The following CNOT2 variants were observed in gnomAD, a reference collection of about 807,000 sequenced individuals.
The protein encoded by CNOT2 is CC chemokine receptor 4-negative regulator of transcription 2.
CNOT2 carries 7 observed loss-of-function variants against 72.1 expected under a neutral mutation model. The observed-to-expected ratio is 0.10, with a 90% CI of 0.06 to 0.18. The LOEUF is 0.18. CNOT2 is among the 10% of genes least tolerant of loss of function. The pLI, the probability that CNOT2 is intolerant of heterozygous loss-of-function variation, is 1.00. For missense variants in CNOT2, 345 were observed against 660.3 expected, an observed-to-expected ratio of 0.52 and a Z score of 5.23; for synonymous variants, 196 against 225.6, an observed-to-expected ratio of 0.87 and a Z score of 1.17.
intron 2 of CNOT2, among the ~76,000 whole-genome samples, chr12:70,283,214 G>A (rs1870181035): frequency 6.6e-6 from 1 of 152,088 alleles, no homozygotes; most frequent in Admixed American, 6.5e-5. Flanking sequence ...TCATAGTTGT[G>A]ACAAACAGTA....
chr12:70,333,092 C>G lies in CNOT2; in HGVS notation c.649+246C>G, dbSNP rs552132625. 1.1e-4 allele frequency among the ~76,000 whole-genome samples: 17 copies of G among 151,740 alleles called. No homozygotes were observed. In the South Asian group the frequency reaches 2.7e-3, roughly 24 times the overall value. The stretch of plus-strand genomic sequence containing the variant: ...AACATCAGGATTATTTCCTTAACAC[C>G]TGGAGAGAGCCTACACATTAACTTA... On this transcript the variant is annotated intron_variant, in intron 7 of 15. Coordinates refer to ENST00000229195, the MANE Select transcript of CNOT2 (RefSeq NM_014515.7).
At chr12:70,339,704 C>G (rs2136059110) in intron 11 of CNOT2, among the ~76,000 whole-genome samples, 1 of 152,266 alleles carries the variant, frequency 6.6e-6, no homozygotes. Flanking sequence ...CTCTTTTGCT[C>G]TCTTATGCAA....
At chr12:70,332,613 A>G in intron 6 of CNOT2, 154 bp from the exon 7 acceptor site, 3 of 1,117,606 alleles carry the variant, frequency 2.7e-6, no homozygotes, top group Non-Finnish European at 3.4e-6. Context: ...GTTTTCAAGT[A>G]AAGATAAAGA....
chr12:70,283,381 G>GCC (rs1013995911), intron 2 of CNOT2, among the ~76,000 whole-genome samples: 7 of 152,076 alleles, frequency 4.6e-5, no homozygotes, highest in African/African-American at 1.7e-4. Flanking sequence ...ATTAGCTTGA[G>GCC]CCCCAGAGTT....
chr12:70,327,831 A>G (rs1289838240), intron 4 of CNOT2: 1 of 150,632 alleles, frequency 6.6e-6, no homozygotes, highest in Non-Finnish European at 1.5e-5. Context: ...AAGTATGTTG[A>G]TGGTTTGTTA....
intron 2 of CNOT2, among the ~76,000 whole-genome samples, chr12:70,301,197 T>C (rs1040479398): frequency 2.0e-5 from 3 of 152,184 alleles, no homozygotes; most frequent in Admixed American, 1.3e-4. Flanking sequence ...CTTTTCCTAA[T>C]TGAATGCCCT....
chr12:70,288,686 T>TATTGTTGATTGGC (rs1370574277), intron 2 of CNOT2, among the ~76,000 whole-genome samples: 2 of 152,180 alleles, frequency 1.3e-5, no homozygotes, highest in African/African-American at 4.8e-5. Flanking sequence ...ATGTAGTAAG[T>TATTGTTGATTGGC]ATTGTTGATT....
chr12:70,283,732 A>G (rs1870332599), intron 2 of CNOT2, among the ~76,000 whole-genome samples: 1 of 151,712 alleles, frequency 6.6e-6, no homozygotes, highest in Admixed American at 6.6e-5. Flanking sequence ...AAGCCTTGCA[A>G]CCAGATGGCT....
chr12:70,343,004 T>C (rs1477958696), intron 13 of CNOT2, among the ~76,000 whole-genome samples: 1 of 152,112 alleles, frequency 6.6e-6, no homozygotes, highest in Admixed American at 6.6e-5. Flanking sequence ...CAAGTGGATG[T>C]TGATGTGGAC....
rs1364913790 is a variant in CNOT2, at chr12:70,274,807, T to C, written c.-95-3325T>C. 2.0e-5 allele frequency among the ~76,000 whole-genome samples: 3 copies of C among 152,194 alleles called. No homozygotes were observed. The East Asian group carries it at 5.8e-4, about 29-fold the overall frequency. On this transcript the variant is annotated intron_variant, in intron 1 of 15. Transcript: ENST00000229195. The stretch of plus-strand genomic sequence containing the variant: ...GGCCTTTGGGGTCTGGTTTGTTTCC[T>C]GTAATGTAGCAAAAATGCACTTAAG...
intron 2 of CNOT2, among the ~76,000 whole-genome samples, chr12:70,293,708 G>C (rs549562035): frequency 3.2e-4 from 48 of 152,118 alleles, no homozygotes; most frequent in Non-Finnish European, 5.4e-4. Context: ...CATCCATATA[G>C]TACAACTTTA....
intron 2 of CNOT2, among the ~76,000 whole-genome samples, chr12:70,305,495 G>C (rs934026540): frequency 1.7e-4 from 26 of 152,140 alleles, no homozygotes; most frequent in Admixed American, 1.7e-3. Flanking sequence ...GAGATGAAAA[G>C]ATATTGATGA....
chr12:70,321,321 A>G (rs1878261677), intron 4 of CNOT2, among the ~76,000 whole-genome samples: 1 of 151,848 alleles, frequency 6.6e-6, no homozygotes, highest in South Asian at 2.1e-4. Flanking sequence ...GAAAGAGTCT[A>G]GGTTGCCAAT....
In CNOT2 at chr12:70,278,231, T is replaced by C. The variant is rs758508570; in HGVS notation, c.5T>C (p.Val2Ala). 2 of 1,611,552 alleles carry C rather than the reference T, an allele frequency of 1.2e-6. No homozygotes were observed. The highest frequency in any genetic ancestry group is 1.7e-6 in the Non-Finnish European group (2 of 1,177,758). M[V>A]RTDGHTLSEK... ...GTGAGGAAAGGACACGACTCTATGG[T>C]GAGGACTGATGGACATACATTATCT... Residue 2 changes from valine (V) to alanine (A), a missense_variant, in exon 2 of 16, where the codon GTG becomes GCG. Coordinates refer to ENST00000229195, the MANE Select transcript of CNOT2 (RefSeq NM_014515.7).
At chr12:70,246,595 T>C (rs1344207723) in intron 1 of CNOT2, among the ~76,000 whole-genome samples, 5 of 152,204 alleles carry the variant, frequency 3.3e-5, no homozygotes, top group African/African-American at 1.2e-4. Context: ...TTTCTACCTG[T>C]GATACTTAAA....
intron 3 of CNOT2, among the ~76,000 whole-genome samples, chr12:70,314,068 G>T (rs148592687): frequency 7.9e-5 from 12 of 152,126 alleles, no homozygotes; most frequent in Non-Finnish European, 1.6e-4. Context: ...CAATATAGAT[G>T]GTTTTTCGGA....
At chr12:70,336,824 A>G (rs1880770583) in intron 8 of CNOT2, 1 of 152,250 alleles carries the variant, frequency 6.6e-6, no homozygotes, top group Admixed American at 6.6e-5. Context: ...CCCAAACTGG[A>G]TATTGTTCTC....
At position 70,278,134 on chromosome 12, in the gene CNOT2, G is replaced by A; in HGVS notation, c.-93G>A. 3 of 834,788 alleles carry A rather than the reference G, an allele frequency of 3.6e-6. No individual in the cohort carries two copies. The highest frequency in any genetic ancestry group is 6.1e-6 in the Non-Finnish European group (3 of 492,374). 51.7% of individuals were successfully genotyped at this position (834,788 alleles called of 1,614,324 possible). ...GCTTTTGGATAATTCCACTCTAGAG[G>A]GAGACGTGGTGGGCGGTCCTTCCTG... On this transcript the variant is annotated splice_region_variant and 5_prime_UTR_variant, in exon 2 of 16. Transcript: ENST00000229195.
At chr12:70,252,716 G>T (rs1281621109) in intron 1 of CNOT2, among the ~76,000 whole-genome samples, 2 of 152,026 alleles carry the variant, frequency 1.3e-5, no homozygotes, top group Non-Finnish European at 2.9e-5. Context: ...CAATTGGCTA[G>T]GTGACTTATT....
Sources: gnomAD v4.1 joint callset for allele counts (sites outside exome capture counted in the v4.1 genomes callset) on GRCh38, gnomAD v4.1.1 for gene constraint, MANE v1.5 for transcripts, NCBI Gene and HGNC (gene_info 2026-07-23, HGNC 2026-07-21) for gene names.